Variants in BICRAL observed in about 807,000 individuals in gnomAD.
BICRAL encodes the protein BRD4-interacting chromatin-remodeling complex-associated protein-like.
In BICRAL, 8 loss-of-function variants were observed where a neutral mutation model predicts 91.8. The ratio of observed to expected loss-of-function variants is 0.09; its 90% CI spans 0.05 to 0.16. The LOEUF (loss-of-function observed/expected upper bound fraction) is 0.16. BICRAL is among the 10% of genes least tolerant of loss of function. BICRAL has a pLI of 1.00. For synonymous variants in BICRAL, 445 were observed against 491.1 expected (o/e 0.91, Z 1.24); for missense variants, 1,038 against 1,310.9 (o/e 0.79, Z 3.21).
At position 42,866,896 on chromosome 6, in the gene BICRAL, A is replaced by G. The variant is rs1299983800; in HGVS notation, c.*1450A>G. On this transcript the variant is annotated 3_prime_UTR_variant, in exon 13 of 13. Transcript: ENST00000314073. Reference sequence around the variant, plus strand: ...CCTCTCATTGGGAAAGCTACATGATAGTATTTTTATGCACTCTTCTCCCAC... The same window carrying G: ...CCTCTCATTGGGAAAGCTACATGATGGTATTTTTATGCACTCTTCTCCCAC... 2.4e-5 allele frequency: 11 copies of G among 455,832 alleles called. No homozygotes were observed. In the East Asian group the frequency reaches 4.2e-4, roughly 17 times the overall value. The allele number at this position is 455,832 out of a possible 1,614,324, so 28.2% of individuals were successfully genotyped here.
At chr6:42,812,463 A>G (rs1040771695) in intron 2 of BICRAL, among the ~76,000 whole-genome samples, 22 of 152,328 alleles carry the variant, frequency 1.4e-4, no homozygotes, top group African/African-American at 5.0e-4. Context: ...ACTATCTTAT[A>G]TAAGTTCAAG....
chr6:42,864,951 G>A lies in BICRAL; in HGVS notation c.2745G>A (p.Gln915=). Residue 915 remains glutamine, a synonymous_variant, in exon 13 of 13, where the codon CAG becomes CAA. Transcript: ENST00000314073. ...KFDKVGLVQY[Q]STSEEKASRR... ...ACAAAGTGGGCTTAGTGCAGTACCA[G>A]AGCACGTCTGAAGAGAAGGCCAGCC... 1 of 1,614,174 alleles carries A rather than the reference G, an allele frequency of 6.2e-7. No homozygotes were observed. Among genetic ancestry groups the A allele is most frequent in the Non-Finnish European group, 8.5e-7 (1 of 1,180,048 alleles).
intron 10 of BICRAL, among the ~76,000 whole-genome samples, chr6:42,859,943 C>T (rs1765502742): frequency 6.6e-6 from 1 of 152,104 alleles, no homozygotes; most frequent in Non-Finnish European, 1.5e-5. Flanking sequence ...CCGTGCCCGG[C>T]CTACTCATTG....
intron 6 of BICRAL, among the ~76,000 whole-genome samples, chr6:42,843,847 C>T (rs996553966): frequency 5.4e-5 from 8 of 146,968 alleles, no homozygotes; most frequent in African/African-American, 1.5e-4. Context: ...GTCACCCAGG[C>T]GAGTGCAATA....
At chr6:42,776,875 C>T (rs542258770) in intron 1 of BICRAL, among the ~76,000 whole-genome samples, 1 of 152,316 alleles carries the variant, frequency 6.6e-6, no homozygotes, top group South Asian at 2.1e-4. Flanking sequence ...AATGGTTTTA[C>T]ATGGTTTAAG....
upstream of BICRAL, among the ~76,000 whole-genome samples, chr6:42,781,533 GT>G (rs751931190): frequency 2.9e-3 from 243 of 83,630 alleles, 2 homozygotes; most frequent in South Asian, 0.015. Flanking sequence ...ATCTTGTAGG[GT>G]TTTTTTTTTT....
rs1040064830 is a variant in BICRAL, at chr6:42,782,550, CCTTT to C, written c.-102+454_-102+457del. On this transcript the variant is annotated intron_variant, in intron 1 of 12. Coordinates refer to ENST00000314073, the MANE Select transcript of BICRAL (RefSeq NM_001393499.1). ...GCCTCGGCGGGGTGGGGGCCCGGCGCCTTTCTTTTTCCTTTTTTTTCTTTTCCGC... is the reference window on the plus strand; with the variant it reads ...GCCTCGGCGGGGTGGGGGCCCGGCGCCTTTTTCCTTTTTTTTCTTTTCCGC... Among the ~76,000 whole-genome samples the C allele has an allele frequency of 1.3e-3, 202 of 149,956 alleles. 1 individual carries two copies. The highest frequency in any genetic ancestry group is 7.1e-3 in the Middle Eastern group (2 of 282).
In BICRAL at chr6:42,864,660, G is replaced by A. The variant is rs1315886680; in HGVS notation, c.2454G>A (p.Glu818=). ...RDKRLALVDP[E]GFQADFCCSF... is the part of the protein sequence containing the mutation. Reference sequence around the variant, plus strand: ...TGTTCTTTTTGTTCCCATTTCCAGAGGGTTTTCAGGCTGATTTCTGTTGTT... The same window carrying A: ...TGTTCTTTTTGTTCCCATTTCCAGAAGGTTTTCAGGCTGATTTCTGTTGTT... Residue 818 remains glutamate (E), a splice_region_variant and synonymous_variant, in exon 13 of 13, where the codon GAG becomes GAA. Transcript: ENST00000314073. The A allele has an allele frequency of 7.4e-6, 12 of 1,612,102 alleles. No individual in the cohort carries two copies. The highest frequency in any genetic ancestry group is 1.1e-5 in the South Asian group (1 of 90,920).
Position 42,797,181 on chromosome 6 carries a change from A to C in BICRAL, c.-101-13125A>C, listed in dbSNP as rs942808195. 2.6e-5 allele frequency among the ~76,000 whole-genome samples: 4 copies of C among 152,248 alleles called. No homozygotes were observed. In the East Asian group the frequency reaches 7.7e-4, roughly 29 times the overall value. On this transcript the variant is annotated intron_variant, in intron 1 of 12. Coordinates refer to ENST00000314073, the MANE Select transcript of BICRAL (RefSeq NM_001393499.1). The stretch of plus-strand genomic sequence containing the variant: ...GAACTTATGTATAAGATACATAAGG[A>C]AAAGATACATAAGCAGAACTTATGT...
At chr6:42,822,656 AC>A in intron 3 of BICRAL, 139 bp from the exon 4 acceptor site, 1 of 533,136 alleles carries the variant, frequency 1.9e-6, no homozygotes, top group Non-Finnish European at 3.3e-6. Flanking sequence ...AAAAAAAAAA[AC>A]CTACTAATAG....
chr6:42,814,665 A>G (rs895783707), intron 2 of BICRAL, among the ~76,000 whole-genome samples: 2 of 150,968 alleles, frequency 1.3e-5, no homozygotes, highest in African/African-American at 4.9e-5. Context: ...AGCTGGGATT[A>G]CAGGCATGCG....
rs56209754 is a variant in BICRAL at position 42,747,805 on chromosome 6, G to GTTTT, written c.-261+797_-261+800dup. 2.0e-3 allele frequency among the ~76,000 whole-genome samples: 250 copies of GTTTT among 125,260 alleles called. 3 individuals carry two copies. Among genetic ancestry groups the GTTTT allele is most frequent in the East Asian group, 0.02 (85 of 4,356 alleles). 82.2% of individuals were successfully genotyped at this position (125,260 alleles called of 152,430 possible). ...TGTTTTTGCTTTTTTGTTTTATTTT[G>GTTTT]TTTTTTTTTTTTTTTTTTGAGACGG... On this transcript the variant is annotated intron_variant, in intron 1 of 14. Transcript: ENST00000614467.
chr6:42,811,993 C>T (rs1227623546), intron 2 of BICRAL, among the ~76,000 whole-genome samples: 1 of 152,168 alleles, frequency 6.6e-6, no homozygotes, highest in African/African-American at 2.4e-5. Flanking sequence ...TGTAAAGTAA[C>T]TTAACTGTGT....
chr6:42,834,994 A>G (rs1221898041), intron 6 of BICRAL, among the ~76,000 whole-genome samples: 4 of 152,164 alleles, frequency 2.6e-5, no homozygotes, highest in African/African-American at 9.6e-5. Context: ...AGGTATTTAC[A>G]TTTCTGTGAA....
intron 1 of BICRAL, among the ~76,000 whole-genome samples, chr6:42,755,023 G>A (rs772722391): frequency 6.6e-6 from 1 of 152,224 alleles, no homozygotes; most frequent in Non-Finnish European, 1.5e-5. Flanking sequence ...ATGGTAGTTG[G>A]TAGATGACTC....
At chr6:42,775,087 C>T (rs1170161075) in intron 1 of BICRAL, among the ~76,000 whole-genome samples, 2 of 152,088 alleles carry the variant, frequency 1.3e-5, no homozygotes, top group Non-Finnish European at 2.9e-5. Context: ...TGCATGCCAC[C>T]ACACCCAGCT....
In BICRAL at chr6:42,757,228, A is replaced by G. The variant is rs923586619; in HGVS notation, c.-261+10205A>G. Among the ~76,000 whole-genome samples, 13 of 150,872 alleles carry G rather than the reference A, an allele frequency of 8.6e-5. No individual in the cohort carries two copies. In the Admixed American group the frequency reaches 8.6e-4, roughly 10 times the overall value. On this transcript the variant is annotated intron_variant, in intron 1 of 14. Coordinates refer to the BICRAL transcript ENST00000614467. ...GCCATCTTTGTGCAGATAATCTACC[A>G]TGCTCTATATAAATAGTTTTTTTTT...
intron 1 of BICRAL, among the ~76,000 whole-genome samples, chr6:42,802,239 C>T (rs1763594976): frequency 6.6e-6 from 1 of 151,800 alleles, no homozygotes; most frequent in African/African-American, 2.4e-5. Flanking sequence ...CAGAGCAAGA[C>T]CTTATCTCAG....
chr6:42,753,685 C>G (rs951483042), intron 1 of BICRAL, among the ~76,000 whole-genome samples: 9 of 152,150 alleles, frequency 5.9e-5, no homozygotes, highest in Non-Finnish European at 1.0e-4. Context: ...GACCTTGGCT[C>G]AGTGCAACCC....
Sources: gnomAD v4.1 joint callset for allele counts (sites outside exome capture counted in the v4.1 genomes callset) on GRCh38, gnomAD v4.1.1 for gene constraint, MANE v1.5 for transcripts, NCBI Gene and HGNC (gene_info 2026-07-23, HGNC 2026-07-21) for gene names.